DOCK3: variants seen among roughly 807,000 people sequenced by gnomAD.
DOCK3 encodes dedicator of cytokinesis 3.
A neutral mutation model predicts 265.6 loss-of-function variants in DOCK3; 60 were observed. The ratio of observed to expected loss-of-function variants is 0.23; its 90% confidence interval spans 0.18 to 0.28. The LOEUF (loss-of-function observed/expected upper bound fraction) is 0.28. DOCK3 is among the 10% of genes least tolerant of loss of function. The probability of loss-of-function intolerance (pLI) is 1.00; values close to 1 mark genes in which losing one functional copy is unlikely to be tolerated. For synonymous variants in DOCK3, 881 were observed against 938.0 expected (o/e 0.94, Z 1.11); for missense variants, 1,981 against 2,594.3 (o/e 0.76, Z 5.14).
chr3:51,218,517 A>G (rs894439008), intron 14 of DOCK3, among the ~76,000 whole-genome samples: 7 of 152,122 alleles, frequency 4.6e-5, no homozygotes, highest in East Asian at 1.9e-4. Context: ...GCCAGCAGAG[A>G]TGTGCTACCA....
At chr3:50,976,103 T>A (rs2077441034) in intron 5 of DOCK3, among the ~76,000 whole-genome samples, 1 of 149,692 alleles carries the variant, frequency 6.7e-6, no homozygotes, top group African/African-American at 2.5e-5. Context: ...GCTCCTGGAT[T>A]CATTAATTTT....
chr3:51,160,624 C>T lies in DOCK3; in HGVS notation c.959C>T (p.Ala320Val), dbSNP rs867594392. The change falls in exon 12 of 53, where the codon GCG becomes GTG. Residue 320 changes from alanine to valine, a missense_variant. Coordinates refer to ENST00000266037, the MANE Select transcript of DOCK3 (RefSeq NM_004947.5). ...CACTACAGGCGACCATATGGCTGTG[C>T]GGTCCTAAGCATCTTGGATGTCCTA... is the stretch of plus-strand genomic sequence containing the variant. ...HLHYRRPYGC[A>V]VLSILDVLQS... is the part of the protein sequence containing the mutation. 1.9e-6 allele frequency: 3 copies of T among 1,612,562 alleles called. No homozygotes were observed. The highest frequency in any genetic ancestry group is 2.5e-6 in the Non-Finnish European group (3 of 1,179,178).
rs970100189 is a variant in DOCK3 at position 51,384,119 on chromosome 3, C to T, written c.*2560C>T. 6.6e-5 allele frequency: 10 copies of T among 152,582 alleles called. No homozygotes were observed. The highest frequency in any genetic ancestry group is 2.4e-4 in the African/African-American group (10 of 41,436). The allele number at this position is 152,582 out of a possible 1,614,324, so 9.5% of individuals were successfully genotyped here. ...TAATGTGAATTTTAGATGTAAATAT[C>T]TGCCACTTGATTTTTTTTCCCCCTT... On this transcript the variant is annotated 3_prime_UTR_variant, in exon 53 of 53. Transcript: ENST00000266037.
chr3:51,204,647 C>T (rs1223190558), intron 12 of DOCK3, among the ~76,000 whole-genome samples: 1 of 143,198 alleles, frequency 7.0e-6, no homozygotes, highest in Non-Finnish European at 1.5e-5. Flanking sequence ...ACCATTTGAC[C>T]CAGCCATCCC....
At chr3:51,376,802 G>C (rs1444885253) in intron 51 of DOCK3, among the ~76,000 whole-genome samples, 1 of 152,214 alleles carries the variant, frequency 6.6e-6, no homozygotes, top group Non-Finnish European at 1.5e-5. Flanking sequence ...TCATCATGGA[G>C]GACATACCTC....
intron 5 of DOCK3, among the ~76,000 whole-genome samples, chr3:50,951,520 T>A (rs183729642): frequency 3.7e-4 from 56 of 152,328 alleles, no homozygotes; most frequent in Admixed American, 3.1e-3. Context: ...AAAATGATAT[T>A]GAAATCTTGA....
chr3:51,257,785 A>G (rs1389677056), intron 22 of DOCK3, among the ~76,000 whole-genome samples: 2 of 152,194 alleles, frequency 1.3e-5, no homozygotes, highest in African/African-American at 4.8e-5. Flanking sequence ...CAGTATTAGG[A>G]GCACCTTTAA....
At chr3:51,013,595 G>A (rs2079035960) in intron 5 of DOCK3, among the ~76,000 whole-genome samples, 1 of 152,218 alleles carries the variant, frequency 6.6e-6, no homozygotes, top group Non-Finnish European at 1.5e-5. Flanking sequence ...CCCCTATTGG[G>A]AGGTGTCTCC....
chr3:51,207,506 G>A (rs2089281481), intron 12 of DOCK3, among the ~76,000 whole-genome samples: 1 of 152,088 alleles, frequency 6.6e-6, no homozygotes, highest in Admixed American at 6.5e-5. Flanking sequence ...TCAGAGCCCT[G>A]GGCTGTGAGA....
chr3:51,292,287 G>A (rs2081829156), intron 27 of DOCK3, among the ~76,000 whole-genome samples: 2 of 152,076 alleles, frequency 1.3e-5, no homozygotes, highest in Non-Finnish European at 2.9e-5. Context: ...AGAAAGAAAA[G>A]GCATCCAAAT....
chr3:50,700,257 C>T (rs1027089371), intron 1 of DOCK3, among the ~76,000 whole-genome samples: 5 of 152,234 alleles, frequency 3.3e-5, no homozygotes, highest in East Asian at 1.9e-4. Flanking sequence ...CCAGCCTGGG[C>T]GAAAAGAGTG....
chr3:51,109,646 A>G (rs2083432489), intron 9 of DOCK3, among the ~76,000 whole-genome samples: 1 of 152,194 alleles, frequency 6.6e-6, no homozygotes, highest in South Asian at 2.1e-4. Flanking sequence ...AGACCCAGCC[A>G]GATGAAATGG....
chr3:51,312,767 C>T, intron 30 of DOCK3, 77 bp from the exon 31 acceptor site: 1 of 1,463,026 alleles, frequency 6.8e-7, no homozygotes. Context: ...TGCTGAAGTC[C>T]TGGCCTCATG....
chr3:50,821,920 A>G (rs1168126332), intron 2 of DOCK3, among the ~76,000 whole-genome samples: 1 of 152,210 alleles, frequency 6.6e-6, no homozygotes, highest in Non-Finnish European at 1.5e-5. Context: ...GTAGCCTAAT[A>G]GTATGAAGTC....
chr3:50,868,651 G>A (rs1266098275), intron 3 of DOCK3, among the ~76,000 whole-genome samples: 1 of 152,088 alleles, frequency 6.6e-6, no homozygotes, highest in African/African-American at 2.4e-5. Flanking sequence ...TGAGATTATA[G>A]GTGTGAGCCA....
At chr3:51,190,242 C>T (rs575459858) in intron 12 of DOCK3, among the ~76,000 whole-genome samples, 2 of 152,312 alleles carry the variant, frequency 1.3e-5, no homozygotes, top group African/African-American at 4.8e-5. Flanking sequence ...GTGAATGCTA[C>T]TGCTCTCTGG....
chr3:51,000,760 C>G (rs897774824), intron 5 of DOCK3, among the ~76,000 whole-genome samples: 2 of 152,186 alleles, frequency 1.3e-5, no homozygotes, highest in African/African-American at 4.8e-5. Flanking sequence ...TCAAGCGATT[C>G]TCCTGCCTCA....
intron 1 of DOCK3, among the ~76,000 whole-genome samples, chr3:50,745,411 C>G (rs1394554818): frequency 6.6e-6 from 1 of 152,136 alleles, no homozygotes; most frequent in South Asian, 2.1e-4. Context: ...GTTATTTTAA[C>G]AATAAGTCTT....
At position 51,270,815 on chromosome 3, in the gene DOCK3, G is replaced by T. The variant is rs753759196; in HGVS notation, c.2356G>T (p.Ala786Ser). Reference protein sequence around the residue: ...RNSETLLFTQAALLNSFPTIF... With the variant: ...RNSETLLFTQSALLNSFPTIF... ...ACCACAGCTTCATTTGCTTCTGCAG[G>T]CTGCACTCCTCAATTCTTTCCCAAC... Residue 786 changes from alanine to serine, a missense_variant and splice_region_variant, in exon 24 of 53, where the codon GCT becomes TCT. Physicochemically the swap from Ala to Ser is moderately conservative, Grantham distance 99. Coordinates refer to ENST00000266037, the MANE Select transcript of DOCK3 (RefSeq NM_004947.5). 17 of 1,612,934 alleles carry T rather than the reference G, an allele frequency of 1.1e-5. No homozygotes were observed. Among genetic ancestry groups the T allele is most frequent in the Non-Finnish European group, 1.4e-5 (17 of 1,179,320 alleles).
Sources: gnomAD v4.1 joint callset for allele counts (sites outside exome capture counted in the v4.1 genomes callset) on GRCh38, gnomAD v4.1.1 for gene constraint, MANE v1.5 for transcripts, NCBI Gene and HGNC (gene_info 2026-07-23, HGNC 2026-07-21) for gene names.